RASSF3: variants seen among roughly 807,000 people sequenced by gnomAD.
RASSF3 encodes the protein ras association domain-containing protein 3.
A neutral mutation model predicts 19.9 loss-of-function variants in RASSF3; 19 were observed. That is an observed-to-expected ratio of 0.96 (90% CI 0.67 to 1.40). RASSF3 has a LOEUF of 1.40. RASSF3 is among the 40% of genes most tolerant of loss of function. The probability of loss-of-function intolerance (pLI) is 0.00; values close to 1 mark genes in which losing one functional copy is unlikely to be tolerated. For synonymous variants in RASSF3, 110 were observed against 104.2 expected (o/e 1.06, Z -0.34); for missense variants, 306 against 289.8 (o/e 1.06, Z -0.41).
chr12:64,684,960 CA>C, intron 2 of RASSF3, 66 bp downstream of exon 2: 1 of 920,168 alleles, frequency 1.1e-6, no homozygotes. Flanking sequence ...GTTGGTACTA[CA>C]ATCTATAGTT....
rs939215627 is a variant in RASSF3, at chr12:64,523,952, C to T, written c.169+16623C>T. ...CCCACAGCCCAGTTCCTGAGCTCAT[C>T]GGGGTGACTAATTCAGAGAGGAATG... On this transcript the variant is annotated intron_variant, in intron 1 of 5. Coordinates refer to the RASSF3 transcript ENST00000637125. 2.4e-4 allele frequency among the ~76,000 whole-genome samples: 37 copies of T among 151,934 alleles called. 1 individual carries two copies. The highest frequency in any genetic ancestry group is 7.5e-4 in the African/African-American group (31 of 41,382).
At position 64,514,356 on chromosome 12, in the gene RASSF3, T is replaced by C. The variant is rs547691806; in HGVS notation, c.169+7027T>C. ...CACGTGCCACTACGCCGAGCTAATT[T>C]ATGTATTTTTAGTAGAGGCAGGGTT... On this transcript the variant is annotated intron_variant, in intron 1 of 5. Transcript: ENST00000637125. 7.9e-5 allele frequency among the ~76,000 whole-genome samples: 12 copies of C among 151,906 alleles called. No homozygotes were observed. The East Asian group carries it at 2.3e-3, about 29-fold the overall frequency.
At chr12:64,663,357 A>G (rs1406124441) in intron 1 of RASSF3, among the ~76,000 whole-genome samples, 1 of 152,148 alleles carries the variant, frequency 6.6e-6, no homozygotes, top group Non-Finnish European at 1.5e-5. Context: ...TAAGAAATCT[A>G]GTAAAGGTGT....
intron 1 of RASSF3, chr12:64,654,320 A>C (rs77130855): frequency 6.6e-6 from 1 of 151,308 alleles, no homozygotes; most frequent in African/African-American, 2.4e-5. Flanking sequence ...ACGCCCAGCT[A>C]ATTTTTTTTT....
intron 2 of RASSF3, among the ~76,000 whole-genome samples, chr12:64,569,472 C>A (rs1869483151): frequency 6.6e-6 from 1 of 152,192 alleles, no homozygotes; most frequent in African/African-American, 2.4e-5. Context: ...CTGCTAAAAT[C>A]TCTCCCGAAC....
intron 1 of RASSF3, among the ~76,000 whole-genome samples, chr12:64,642,019 G>A (rs1436823666): frequency 6.6e-6 from 1 of 152,018 alleles, no homozygotes; most frequent in Non-Finnish European, 1.5e-5. Context: ...TGAGATTACA[G>A]GCGTGAGCCA....
At chr12:64,511,466 AG>A (rs1480743038) in intron 1 of RASSF3, among the ~76,000 whole-genome samples, 6 of 148,608 alleles carry the variant, frequency 4.0e-5, no homozygotes, top group African/African-American at 1.5e-4. Flanking sequence ...TGGGCAATAG[AG>A]CAAGACTCTG....
upstream of RASSF3, among the ~76,000 whole-genome samples, chr12:64,532,316 C>G (rs961665381): frequency 3.3e-5 from 5 of 152,112 alleles, no homozygotes; most frequent in Non-Finnish European, 7.3e-5. Flanking sequence ...TCCCTCCAAA[C>G]ACTGGGAATT....
At chr12:64,645,806 T>G (rs1368768402) in intron 1 of RASSF3, among the ~76,000 whole-genome samples, 1 of 152,114 alleles carries the variant, frequency 6.6e-6, no homozygotes, top group Non-Finnish European at 1.5e-5. Context: ...ATCTAATGAG[T>G]CTCTATGTTT....
intron 1 of RASSF3, among the ~76,000 whole-genome samples, chr12:64,633,819 T>C (rs1592433599): frequency 6.6e-6 from 1 of 152,170 alleles, no homozygotes; most frequent in East Asian, 1.9e-4. Context: ...TCTTAGAGAC[T>C]GATTAAATTT....
chr12:64,660,373 A>G (rs964829976), intron 1 of RASSF3, among the ~76,000 whole-genome samples: 2 of 152,158 alleles, frequency 1.3e-5, no homozygotes, highest in Admixed American at 1.3e-4. Context: ...AGGAGCCACT[A>G]TACTAGGCAC....
At chr12:64,552,980 G>T (rs1226679236) in intron 2 of RASSF3, among the ~76,000 whole-genome samples, 2 of 152,118 alleles carry the variant, frequency 1.3e-5, no homozygotes, top group Non-Finnish European at 2.9e-5. Flanking sequence ...GGAGGCCAAG[G>T]CGGGTGGATC....
chr12:64,662,619 G>T (rs927719806), intron 1 of RASSF3, among the ~76,000 whole-genome samples: 2 of 152,176 alleles, frequency 1.3e-5, no homozygotes, highest in African/African-American at 4.8e-5. Context: ...TTAGATTAGT[G>T]GTCAGTTGCA....
At chr12:64,552,878 G>A (rs1263590126) in intron 2 of RASSF3, among the ~76,000 whole-genome samples, 2 of 151,602 alleles carry the variant, frequency 1.3e-5, no homozygotes, top group African/African-American at 4.9e-5. Context: ...GTGCAATGGC[G>A]CAATCTCTGC....
At chr12:64,650,408 C>CTTTT (rs67304103) in intron 1 of RASSF3, among the ~76,000 whole-genome samples, 1,089 of 85,406 alleles carry the variant, frequency 0.013, 32 homozygotes, top group African/African-American at 0.03. Flanking sequence ...TTTTTTTTTC[C>CTTTT]TTTTTTTTTT....
chr12:64,611,037 C>T lies in RASSF3; in HGVS notation c.111+294C>T, dbSNP rs565323830. Among the ~76,000 whole-genome samples the T allele has an allele frequency of 1.7e-4, 26 of 152,350 alleles. 1 individual carries two copies. Among genetic ancestry groups the T allele is most frequent in the Non-Finnish European group, 1.5e-5 (1 of 68,030 alleles). ...TCGGGCTGCCGCCTGCGGGGAGCAG[C>T]CCCGGAGCCAGCAGGCGTCCCCGGG... On this transcript the variant is annotated intron_variant, in intron 1 of 4. Transcript: ENST00000542104.
downstream of RASSF3, among the ~76,000 whole-genome samples, chr12:64,543,452 G>GCCC (rs1555208314): frequency 2.8e-4 from 3 of 10,866 alleles, no homozygotes; most frequent in South Asian, 4.0e-3. Context: ...GTGCCCGCCC[G>GCCC]CCCCCCGCTC....
intron 2 of RASSF3, among the ~76,000 whole-genome samples, chr12:64,549,870 TG>T (rs1869128890): frequency 6.6e-6 from 1 of 152,218 alleles, no homozygotes; most frequent in Admixed American, 6.5e-5. Context: ...GAGCACTCCT[TG>T]CACAGTCCTA....
At chr12:64,579,537 G>A (rs1327114470) in intron 2 of RASSF3, among the ~76,000 whole-genome samples, 1 of 151,872 alleles carries the variant, frequency 6.6e-6, no homozygotes, top group Admixed American at 6.6e-5. Flanking sequence ...ATTTTTAGTA[G>A]AGACTGGGTT....
Sources: allele counts gnomAD v4.1 joint callset (sites outside exome capture counted in the v4.1 genomes callset), GRCh38; gene constraint gnomAD v4.1.1; transcripts MANE v1.5; gene names NCBI Gene and HGNC (gene_info 2026-07-23, HGNC 2026-07-21).